The following POR variants were observed in gnomAD, a reference collection of about 807,000 sequenced individuals.
POR encodes the protein cytochrome p450 oxidoreductase, also known as NADPH--cytochrome P450 reductase.
A neutral mutation model predicts 84.0 loss-of-function variants in POR; 56 were observed. The observed-to-expected ratio is 0.67, with a 90% CI of 0.54 to 0.83. The LOEUF (loss-of-function observed/expected upper bound fraction) is 0.83. POR is among the 40% of genes least tolerant of loss of function. The probability of loss-of-function intolerance (pLI) is 0.00; values close to 1 mark genes in which losing one functional copy is unlikely to be tolerated. For missense variants in POR, 938 were observed against 944.3 expected, an observed-to-expected ratio of 0.99 and a Z score of 0.09; for synonymous variants, 414 against 400.5, an observed-to-expected ratio of 1.03 and a Z score of -0.40.
In POR at chr7:75,947,467, G is replaced by A. The variant is rs572439810; in HGVS notation, c.-4-6522G>A. On this transcript the variant is annotated intron_variant, in intron 1 of 15. Coordinates refer to ENST00000461988, the MANE Select transcript of POR (RefSeq NM_000941.3). ...GCAGCACCACGCCCAGCTAATTTTTGTATTTTTAGTAGAGACGGGGTTTCA... is the reference window on the plus strand; with the variant it reads ...GCAGCACCACGCCCAGCTAATTTTTATATTTTTAGTAGAGACGGGGTTTCA... Among the ~76,000 whole-genome samples the A allele has an allele frequency of 2.0e-5, 3 of 152,164 alleles. No homozygotes were observed. The East Asian group carries it at 5.8e-4, about 30-fold the overall frequency.
At chr7:75,980,666 C>T (rs1022377249) in intron 5 of POR, 178 bp downstream of exon 5, 22 of 1,538,168 alleles carry the variant, frequency 1.4e-5, no homozygotes, top group Non-Finnish European at 1.7e-5. Flanking sequence ...GAGAATGTCC[C>T]CTCCCTGTCC....
At chr7:75,968,133 G>T (rs917634986) in intron 2 of POR, 1 of 456,588 alleles carries the variant, frequency 2.2e-6, no homozygotes, top group Middle Eastern at 5.2e-4. Context: ...GAGAAGGTCA[G>T]TTCCTGACAC....
chr7:75,928,699 G>T (rs1277698787), intron 1 of POR, among the ~76,000 whole-genome samples: 1 of 141,044 alleles, frequency 7.1e-6, no homozygotes, highest in African/African-American at 3.1e-5. Context: ...TGTGATGTGG[G>T]TCACTGCCCA....
chr7:75,986,380 G>A lies in POR; in HGVS notation c.1942G>A (p.Asp648Asn), dbSNP rs372930296. ...CAGGGATGTGCAGAACACCTTCTACGACATCGTGGCTGAGCTCGGGGCCAT... is the reference window on the plus strand; with the variant it reads ...CAGGGATGTGCAGAACACCTTCTACAACATCGTGGCTGAGCTCGGGGCCAT... Residue 648 changes from aspartate (D) to asparagine (N), a missense_variant, in exon 16 of 16, where the codon GAC becomes AAC. Transcript: ENST00000461988. 86 of 1,612,566 alleles carry A rather than the reference G, an allele frequency of 5.3e-5. No homozygotes were observed. The highest frequency in any genetic ancestry group is 3.1e-4 in the African/African-American group (23 of 75,016).
At chr7:75,935,698 A>G (rs1554550736) in intron 1 of POR, among the ~76,000 whole-genome samples, 1 of 148,568 alleles carries the variant, frequency 6.7e-6, no homozygotes, top group African/African-American at 2.5e-5. Context: ...GTATTTATTA[A>G]CTCAGGTCAG....
At chr7:75,971,633 G>A (rs41299460) in intron 2 of POR, among the ~76,000 whole-genome samples, 52,008 of 151,960 alleles carry the variant, frequency 0.34, 9,362 homozygotes, top group South Asian at 0.4. Context: ...GGTGAGGGCT[G>A]TAGTCCCAGG....
At chr7:75,974,273 A>G (rs1554556575) in intron 3 of POR, among the ~76,000 whole-genome samples, 4 of 152,116 alleles carry the variant, frequency 2.6e-5, no homozygotes, top group Non-Finnish European at 2.9e-5. Flanking sequence ...TGTGTTTGCA[A>G]TCGTGATAGA....
intron 1 of POR, among the ~76,000 whole-genome samples, chr7:75,943,074 C>T (rs1373937769): frequency 1.3e-5 from 2 of 151,812 alleles, no homozygotes; most frequent in African/African-American, 2.4e-5. Flanking sequence ...GCCTCAGCCT[C>T]CTGAGTAGCT....
intron 8 of POR, 36 bp downstream of exon 8, chr7:75,982,358 C>T (rs530266648): frequency 1.3e-6 from 2 of 1,520,638 alleles, no homozygotes; most frequent in Admixed American, 3.7e-5. Context: ...GCAGACGGCT[C>T]TATGGCCACT....
At chr7:75,982,419 C>T (rs781864890) in intron 8 of POR, 97 bp downstream of exon 8, 54 of 1,031,520 alleles carry the variant, frequency 5.2e-5, no homozygotes, top group Non-Finnish European at 7.7e-5. Context: ...CCACAGGGCC[C>T]TTCTCACCAG....
At chr7:75,937,760 C>T (rs782439027) in intron 1 of POR, among the ~76,000 whole-genome samples, 8 of 151,498 alleles carry the variant, frequency 5.3e-5, no homozygotes, top group Admixed American at 1.3e-4. Context: ...CCAGCCTGGG[C>T]GACAAGAGCA....
chr7:75,941,650 G>A (rs1807985841), intron 1 of POR, among the ~76,000 whole-genome samples: 1 of 152,072 alleles, frequency 6.6e-6, no homozygotes, highest in African/African-American at 2.4e-5. Context: ...TATATATAAT[G>A]AGAGGCAACA....
intron 7 of POR, 55 bp downstream of exon 7, chr7:75,981,661 G>T (rs901257750): frequency 1.6e-5 from 23 of 1,465,232 alleles, no homozygotes; most frequent in South Asian, 1.2e-5. Flanking sequence ...TGTGCCGAGG[G>T]CAGCCACCCT....
At chr7:75,947,638 C>T (rs239955) in intron 1 of POR, among the ~76,000 whole-genome samples, 31,711 of 152,126 alleles carry the variant, frequency 0.21, 5,268 homozygotes, top group African/African-American at 0.45. Context: ...TTTTTGATTT[C>T]TGCACATTTT....
intron 2 of POR, chr7:75,968,231 G>T: frequency 2.1e-6 from 1 of 466,904 alleles, no homozygotes; most frequent in Non-Finnish European, 4.4e-6. Flanking sequence ...TCCTGGCGGG[G>T]ACCTGCTGGA....
Position 75,977,817 on chromosome 7 carries a change from T to A in POR, c.238-1634T>A, listed in dbSNP as rs561762217. Among the ~76,000 whole-genome samples, 4 of 152,102 alleles carry A rather than the reference T, an allele frequency of 2.6e-5. No homozygotes were observed. In the East Asian group the frequency reaches 7.7e-4, roughly 29 times the overall value. Reference sequence around the variant, plus strand: ...AAAAAAGAAAAGAAAAAAAGAAAAATGCCTTAGGCACTGAAGACCAGGCAC... The same window carrying A: ...AAAAAAGAAAAGAAAAAAAGAAAAAAGCCTTAGGCACTGAAGACCAGGCAC... On this transcript the variant is annotated intron_variant, in intron 3 of 15. Transcript: ENST00000461988.
intron 2 of POR, among the ~76,000 whole-genome samples, chr7:75,964,455 C>G (rs190405492): frequency 2.0e-5 from 3 of 152,116 alleles, no homozygotes; most frequent in Non-Finnish European, 4.4e-5. Context: ...TTACAGGCGC[C>G]TGCCACCACA....
chr7:75,954,604 A>C (rs1296687049), intron 2 of POR, among the ~76,000 whole-genome samples: 1 of 151,784 alleles, frequency 6.6e-6, no homozygotes, highest in Non-Finnish European at 1.5e-5. Context: ...CGGTGGCACG[A>C]TCAAGGTTCA....
At chr7:75,928,439 A>G (rs1554549808) in intron 1 of POR, among the ~76,000 whole-genome samples, 1 of 152,208 alleles carries the variant, frequency 6.6e-6, no homozygotes. Flanking sequence ...AGCCCTCTTG[A>G]AGTTAACTTC....
Sources: gnomAD v4.1 joint callset for allele counts (sites outside exome capture counted in the v4.1 genomes callset) on GRCh38, gnomAD v4.1.1 for gene constraint, MANE v1.5 for transcripts, NCBI Gene and HGNC (gene_info 2026-07-23, HGNC 2026-07-21) for gene names.